Variants in SYMPK observed in about 807,000 individuals in gnomAD.
SYMPK encodes symplekin.
SYMPK carries 49 observed loss-of-function variants against 136.4 expected under a neutral mutation model. The observed-to-expected ratio is 0.36, with a 90% CI of 0.29 to 0.46. The LOEUF (loss-of-function observed/expected upper bound fraction) is 0.46. SYMPK is among the 20% of genes least tolerant of loss of function. The pLI is 1.00. For synonymous variants in SYMPK, 766 were observed against 713.0 expected (o/e 1.07, Z -1.19); for missense variants, 1,365 against 1,690.0 (o/e 0.81, Z 3.37).
intron 10 of SYMPK, among the ~76,000 whole-genome samples, chr19:45,837,223 C>T (rs537703820): frequency 6.6e-6 from 1 of 152,288 alleles, no homozygotes; most frequent in African/African-American, 2.4e-5. Flanking sequence ...ACATTACAAA[C>T]ATATGGTATT....
chr19:45,832,949 G>T (rs1971219366), intron 11 of SYMPK, among the ~76,000 whole-genome samples: 1 of 151,032 alleles, frequency 6.6e-6, no homozygotes, highest in Non-Finnish European at 1.5e-5. Flanking sequence ...AACCCAGGAG[G>T]CAGAAGTTGC....
intron 26 of SYMPK, 21 bp from the exon 27 acceptor site, chr19:45,815,718 G>A (rs1284135468): frequency 2.5e-6 from 4 of 1,606,470 alleles, no homozygotes; most frequent in Middle Eastern, 1.7e-4. Context: ...GGGAAGGAAA[G>A]GGCAGCCGGG....
chr19:45,845,449 T>C (rs1312307406), intron 7 of SYMPK, among the ~76,000 whole-genome samples: 1 of 152,208 alleles, frequency 6.6e-6, no homozygotes, highest in Non-Finnish European at 1.5e-5. Flanking sequence ...AGTGAGAACA[T>C]GCAAAGTTGT....
At position 45,826,378 on chromosome 19, in the gene SYMPK, G is replaced by A; in HGVS notation, c.2182-5C>T. ...CAGCAGGGCCTGGGAGCGCACCTGA[G>A]GAGGAAGATGGAGAAGGGCAGGGTC... On this transcript the variant is annotated splice_polypyrimidine_tract_variant and splice_region_variant and intron_variant, in intron 16 of 26. Coordinates refer to ENST00000245934, the MANE Select transcript of SYMPK (RefSeq NM_004819.3). The A allele has an allele frequency of 6.2e-7, 1 of 1,614,020 alleles. No homozygotes were observed. The highest frequency in any genetic ancestry group is 1.1e-5 in the South Asian group (1 of 91,084).
intron 18 of SYMPK, among the ~76,000 whole-genome samples, chr19:45,824,525 C>G (rs1270211736): frequency 6.6e-6 from 1 of 152,282 alleles, no homozygotes. Context: ...CAGGTAAGGG[C>G]CCCACTGAAC....
In SYMPK at chr19:45,815,653, G is replaced by A; in HGVS notation, c.3732C>T (p.Pro1244=). The A allele has an allele frequency of 6.2e-7, 1 of 1,610,754 alleles. No homozygotes were observed. Residue 1244 remains proline, a synonymous_variant, in exon 27 of 27, where the codon CCC becomes CCT. Transcript: ENST00000245934. ...GGLTLKEERS[P]QTLAPVGEDA... is the part of the protein sequence containing the mutation. ...CTTCTCCAACAGGTGCGAGGGTCTG[G>A]GGGCTCCGCTCCTCCTTCAAGGTCA... is the stretch of plus-strand genomic sequence containing the variant.
chr19:45,844,314 T>C, intron 7 of SYMPK, 114 bp from the exon 8 acceptor site: 1 of 809,184 alleles, frequency 1.2e-6, no homozygotes, highest in Non-Finnish European at 1.8e-6. Context: ...TGTCTATGAA[T>C]GGCGGGAAAA....
At chr19:45,820,805 T>A (rs1426716236) in intron 22 of SYMPK, 1 of 314,324 alleles carries the variant, frequency 3.2e-6, no homozygotes, top group African/African-American at 2.2e-5. Flanking sequence ...GGAGCCTCCA[T>A]TTCCTGTCTA....
intron 1 of SYMPK, chr19:45,855,555 A>C (rs896871271): frequency 2.0e-5 from 3 of 152,198 alleles, no homozygotes; most frequent in African/African-American, 7.2e-5. Flanking sequence ...AAATAAAGGA[A>C]AAAGACTATG....
chr19:45,821,367 G>T lies in SYMPK; in HGVS notation c.2893+17C>A. Reference sequence around the variant, plus strand: ...TCGCAGGGGCCAGGCCACTGGAGTGGGGGGGAAGCGCCTCACCTTTGATGA... The same window carrying T: ...TCGCAGGGGCCAGGCCACTGGAGTGTGGGGGAAGCGCCTCACCTTTGATGA... On this transcript the variant is annotated intron_variant, in intron 22 of 26. Coordinates refer to ENST00000245934, the MANE Select transcript of SYMPK (RefSeq NM_004819.3). This position sits in a 1 kb window ranked among gnomAD's most constrained non-coding sequence, Gnocchi z 4.4. 1 of 1,604,404 alleles carries T rather than the reference G, an allele frequency of 6.2e-7. No homozygotes were observed. The highest frequency in any genetic ancestry group is 8.5e-7 in the Non-Finnish European group (1 of 1,171,564).
rs1163376700 is a variant in SYMPK, at chr19:45,815,511, T to C, written c.*49A>G. 10 of 1,012,780 alleles carry C rather than the reference T, an allele frequency of 9.9e-6. No homozygotes were observed. The highest frequency in any genetic ancestry group is 3.4e-5 in the Admixed American group (1 of 29,550). 62.7% of individuals were successfully genotyped at this position (1,012,780 alleles called of 1,614,324 possible). A position where few individuals can be genotyped will look rare whatever the true frequency, so the allele number is the denominator to read the frequency against. ...CACCCGCAGGTCAAGCCCCGCCCCGTCCCCCAGCCCCGAGTCCCTGTCCCA... is the reference window on the plus strand; with the variant it reads ...CACCCGCAGGTCAAGCCCCGCCCCGCCCCCCAGCCCCGAGTCCCTGTCCCA... On this transcript the variant is annotated 3_prime_UTR_variant, in exon 27 of 27. Transcript: ENST00000245934.
At position 45,816,467 on chromosome 19, in the gene SYMPK, C is replaced by T. The variant is rs538589215; in HGVS notation, c.3354+15G>A. ...GAGTCTGGGGATCCAGATGGGTGGG[C>T]TGCAGGGCCCTCACCTCCTCCAAGG... On this transcript the variant is annotated intron_variant, in intron 25 of 26. Transcript: ENST00000245934. 141 of 1,606,778 alleles carry T rather than the reference C, an allele frequency of 8.8e-5. No individual in the cohort carries two copies. In the South Asian group the frequency reaches 1.3e-3, roughly 15 times the overall value.
intron 10 of SYMPK, among the ~76,000 whole-genome samples, chr19:45,835,507 C>A (rs1488706473): frequency 6.6e-6 from 1 of 152,160 alleles, no homozygotes; most frequent in African/African-American, 2.4e-5. Flanking sequence ...GAGGGGAGGG[C>A]AGGAGTCAGC....
intron 18 of SYMPK, 127 bp downstream of exon 18, chr19:45,825,044 G>A (rs1971006935): frequency 5.8e-6 from 7 of 1,210,934 alleles, no homozygotes; most frequent in Non-Finnish European, 2.3e-6. Flanking sequence ...CACAGCCTGG[G>A]TCGGCCCGGG....
At chr19:45,841,085 G>C in intron 9 of SYMPK, among the ~76,000 whole-genome samples, 1 of 151,392 alleles carries the variant, frequency 6.6e-6, no homozygotes, top group South Asian at 2.1e-4. Flanking sequence ...CCCAGTTCAA[G>C]CAATTCTTCT....
intron 3 of SYMPK, among the ~76,000 whole-genome samples, chr19:45,852,969 C>T (rs913210006): frequency 1.3e-5 from 2 of 152,218 alleles, no homozygotes; most frequent in African/African-American, 2.4e-5. Context: ...ATTCAGCAAA[C>T]ATCTTCACAG....
chr19:45,827,662 G>A (rs1404207603), intron 15 of SYMPK, 39 bp from the exon 16 acceptor site: 1 of 1,576,790 alleles, frequency 6.3e-7, no homozygotes. Context: ...CAGCCCACCT[G>A]AGTGTGCCTC....
At chr19:45,854,315 G>A (rs1971768543) in intron 2 of SYMPK, 75 bp from the exon 3 acceptor site, 41 of 1,605,906 alleles carry the variant, frequency 2.6e-5, no homozygotes, top group Non-Finnish European at 3.3e-5. Context: ...CACTCCCAGG[G>A]CTCTGCCACC....
In SYMPK at chr19:45,818,025, G is replaced by A. The variant is rs1470972256; in HGVS notation, c.3015C>T (p.Ser1005=). The part of the protein sequence containing the change: ...PMLLMRTVIQ[S]LTMYPRLGGF... ...CCCCCAGGCGGGGGTACATGGTCAG[G>A]GACTGGATGACGGTCCTCATGAGCA... The change falls in exon 23 of 27, where the codon TCC becomes TCT. Residue 1005 remains serine (S), a synonymous_variant. Transcript: ENST00000245934. The A allele has an allele frequency of 6.3e-7, 1 of 1,577,390 alleles. No homozygotes were observed. The highest frequency in any genetic ancestry group is 1.2e-5 in the South Asian group (1 of 86,178).
Sources: gnomAD v4.1 joint callset for allele counts (sites outside exome capture counted in the v4.1 genomes callset) on GRCh38, gnomAD v4.1.1 for gene constraint, Gnocchi (gnomAD v3.1) non-coding constraint, MANE v1.5 for transcripts, NCBI Gene and HGNC (gene_info 2026-07-23, HGNC 2026-07-21) for gene names.